APP: variants seen among roughly 807,000 people sequenced by gnomAD.
APP encodes the protein amyloid-beta precursor protein.
In APP, 31 loss-of-function variants were observed where a neutral mutation model predicts 101.4. That is an observed-to-expected ratio of 0.31 (90% confidence interval 0.23 to 0.41). The LOEUF is 0.41. Among genes scored for constraint, APP ranks in the 10% least tolerant of loss-of-function variants. APP has a pLI of 1.00. For synonymous variants in APP, 366 were observed against 364.4 expected, an observed-to-expected ratio of 1.00 and a Z score of -0.05; for missense variants, 839 against 1,003.7, an observed-to-expected ratio of 0.84 and a Z score of 2.22.
intron 9 of APP, among the ~76,000 whole-genome samples, chr21:25,977,016 G>C (rs2042249134): frequency 6.6e-6 from 1 of 152,174 alleles, no homozygotes; most frequent in Non-Finnish European, 1.5e-5. Flanking sequence ...GCAAAACTGA[G>C]AGCCGAATTT....
At chr21:26,024,995 C>A (rs1482479734) in intron 5 of APP, among the ~76,000 whole-genome samples, 1 of 152,208 alleles carries the variant, frequency 6.6e-6, no homozygotes, top group African/African-American at 2.4e-5. Flanking sequence ...GTTATTGTAA[C>A]ATTTCCACAA....
chr21:26,062,253 ACACACAG>A (rs920519533), intron 3 of APP, among the ~76,000 whole-genome samples: 1 of 151,422 alleles, frequency 6.6e-6, no homozygotes, highest in African/African-American at 2.4e-5. Context: ...ACACACACAC[ACACACAG>A]AATAGTGTTT....
At chr21:25,964,547 AAAGGTAGAAAATAG>A (rs2041711039) in intron 11 of APP, among the ~76,000 whole-genome samples, 1 of 152,152 alleles carries the variant, frequency 6.6e-6, no homozygotes, top group African/African-American at 2.4e-5. Context: ...TTATGTTATA[AAAGGTAGAAAATAG>A]GAGTGGTTTT....
At chr21:25,933,772 G>A (rs778324126) in intron 13 of APP, 2 of 150,948 alleles carry the variant, frequency 1.3e-5, no homozygotes, top group Non-Finnish European at 1.5e-5. Flanking sequence ...ACTCTTTCAC[G>A]TTTTGGTACC....
intron 11 of APP, among the ~76,000 whole-genome samples, chr21:25,959,110 A>G (rs2041463256): frequency 6.6e-6 from 1 of 152,184 alleles, no homozygotes; most frequent in Non-Finnish European, 1.5e-5. Flanking sequence ...AAATAGACCA[A>G]GTTTAAGATA....
rs200727285 is a variant in APP at position 26,000,024 on chromosome 21, C to T, written c.1024G>A (p.Gly342Ser). 1.9e-5 allele frequency: 30 copies of T among 1,613,946 alleles called. No homozygotes were observed. The East Asian group carries it at 5.4e-4, about 29-fold the overall frequency. Residue 342 changes from glycine (G) to serine (S), a missense_variant, in exon 7 of 18, where the codon GGC (glycine) becomes AGC (serine). Gly to Ser is a moderately conservative substitution (Grantham distance 56). Coordinates refer to ENST00000346798, the MANE Select transcript of APP (RefSeq NM_000484.4). ...AGAAGGGTCCACTTACTGGCGCTGC[C>T]ACACACGGCCATGCAGTACTCTTCT... is the stretch of plus-strand genomic sequence containing the variant. Reference protein sequence around the residue: ...DTEEYCMAVCGSAMSQSLLKT... With the variant: ...DTEEYCMAVCSSAMSQSLLKT...
At chr21:26,156,362 A>T (rs530811183) in intron 1 of APP, among the ~76,000 whole-genome samples, 1 of 152,370 alleles carries the variant, frequency 6.6e-6, no homozygotes, top group South Asian at 2.1e-4. Context: ...TAGTTTCTAG[A>T]GAGCTTATTT....
intron 2 of APP, among the ~76,000 whole-genome samples, chr21:26,097,797 T>C (rs550479269): frequency 2.8e-4 from 42 of 152,188 alleles, no homozygotes; most frequent in African/African-American, 1.0e-3. Context: ...TAAGAGTGCA[T>C]AGGCCGGGCG....
chr21:26,007,908 A>G (rs2043609175), intron 6 of APP, among the ~76,000 whole-genome samples: 1 of 152,234 alleles, frequency 6.6e-6, no homozygotes. Context: ...CCTAGTAATC[A>G]TATTTTACTA....
At chr21:26,047,209 C>T (rs981284874) in intron 5 of APP, among the ~76,000 whole-genome samples, 1 of 152,054 alleles carries the variant, frequency 6.6e-6, no homozygotes, top group South Asian at 2.1e-4. Context: ...CTCTAAATGC[C>T]CCATTAGCGA....
chr21:25,978,545 C>G (rs1032357930), intron 9 of APP, among the ~76,000 whole-genome samples: 3 of 151,996 alleles, frequency 2.0e-5, no homozygotes, highest in African/African-American at 4.8e-5. Flanking sequence ...GTTTTTGTAC[C>G]CTGTGGTACC....
intron 14 of APP, 60 bp from the exon 15 acceptor site, chr21:25,905,137 T>C (rs1239702290): frequency 6.9e-7 from 1 of 1,442,762 alleles, no homozygotes; most frequent in Non-Finnish European, 9.7e-7. Flanking sequence ...TGGTAAGTCG[T>C]GGCTCCCAAA....
chr21:26,016,053 C>T (rs1419535057), intron 6 of APP, among the ~76,000 whole-genome samples: 2 of 151,178 alleles, frequency 1.3e-5, no homozygotes, highest in Non-Finnish European at 2.9e-5. Context: ...TTTTTTGAGA[C>T]GGAGTCTCGC....
intron 5 of APP, among the ~76,000 whole-genome samples, chr21:26,027,350 G>A (rs373985924): frequency 2.6e-5 from 4 of 152,068 alleles, no homozygotes; most frequent in Admixed American, 6.5e-5. Context: ...ATAAACAGAC[G>A]GTTCTCCTTC....
chr21:26,077,773 A>C (rs552956121), intron 3 of APP, among the ~76,000 whole-genome samples: 82 of 147,294 alleles, frequency 5.6e-4, no homozygotes, highest in African/African-American at 1.9e-3. Context: ...TGACAGGAGA[A>C]GGAAAAAAAA....
chr21:25,978,115 AAAT>A (rs1193145019), intron 9 of APP, among the ~76,000 whole-genome samples: 3 of 152,248 alleles, frequency 2.0e-5, no homozygotes, highest in Admixed American at 6.5e-5. Context: ...GGAATCCATG[AAAT>A]AATTAAAGAG....
At chr21:25,890,478 C>T (rs919519839) in intron 17 of APP, among the ~76,000 whole-genome samples, 6 of 152,136 alleles carry the variant, frequency 3.9e-5, no homozygotes, top group East Asian at 1.9e-4. Flanking sequence ...CGGTGGCTCA[C>T]GCCTGTAATC....
At chr21:26,068,407 C>T (rs2146025689) in intron 3 of APP, 1 of 151,830 alleles carries the variant, frequency 6.6e-6, no homozygotes, top group African/African-American at 2.4e-5. Context: ...CCTCTGTCAA[C>T]CAGGCTGGAG....
At chr21:25,959,254 G>A (rs1429694427) in intron 11 of APP, among the ~76,000 whole-genome samples, 3 of 152,196 alleles carry the variant, frequency 2.0e-5, no homozygotes, top group African/African-American at 7.2e-5. Context: ...CCAACATGGT[G>A]AAACCCCATC....
Sources: allele counts gnomAD v4.1 joint callset (sites outside exome capture counted in the v4.1 genomes callset), GRCh38; gene constraint gnomAD v4.1.1; transcripts MANE v1.5; gene names NCBI Gene and HGNC (gene_info 2026-07-23, HGNC 2026-07-21).